SPRYD7: variants seen among roughly 807,000 people sequenced by gnomAD.
SPRYD7 encodes the protein SPRY domain-containing protein 7.
In SPRYD7, 14 loss-of-function variants were observed where a neutral mutation model predicts 23.8. That is an observed-to-expected ratio of 0.59 (90% CI 0.39 to 0.92). The LOEUF is 0.92. SPRYD7 is among the 40% of genes least tolerant of loss of function. The pLI, the probability that SPRYD7 is intolerant of heterozygous loss-of-function variation, is 0.00. For missense variants in SPRYD7, 194 were observed against 241.7 expected, an observed-to-expected ratio of 0.80 and a Z score of 1.31; for synonymous variants, 75 against 84.9, an observed-to-expected ratio of 0.88 and a Z score of 0.64.
intron 1 of SPRYD7, among the ~76,000 whole-genome samples, chr13:49,934,881 C>T (rs911307159): frequency 5.9e-5 from 9 of 152,136 alleles, no homozygotes; most frequent in African/African-American, 2.2e-4. Flanking sequence ...TATAACAATG[C>T]CTGCCACCTG....
At chr13:49,917,903 A>G (rs1722004839) in intron 4 of SPRYD7, among the ~76,000 whole-genome samples, 1 of 152,232 alleles carries the variant, frequency 6.6e-6, no homozygotes, top group African/African-American at 2.4e-5. Flanking sequence ...AAATGACTGA[A>G]AAGTAATTTT....
intron 4 of SPRYD7, among the ~76,000 whole-genome samples, chr13:49,916,787 T>C (rs1418806470): frequency 6.6e-6 from 1 of 152,012 alleles, no homozygotes; most frequent in Non-Finnish European, 1.5e-5. Flanking sequence ...ACATGAGATA[T>C]CGATGAAATA....
intron 3 of SPRYD7, among the ~76,000 whole-genome samples, chr13:49,927,222 C>T (rs141649135): frequency 3.3e-5 from 5 of 152,184 alleles, no homozygotes; most frequent in East Asian, 1.9e-4. Flanking sequence ...TGGCTAGGCG[C>T]GGTGGCTCAT....
intron 2 of SPRYD7, 102 bp from the exon 3 acceptor site, chr13:49,928,187 C>T (rs1314187070): frequency 5.9e-6 from 6 of 1,015,990 alleles, no homozygotes; most frequent in Non-Finnish European, 8.5e-6. Flanking sequence ...GCTGTATTAA[C>T]ACTAAATTGT....
At chr13:49,923,779 C>T (rs769205195) in intron 3 of SPRYD7, among the ~76,000 whole-genome samples, 15 of 152,088 alleles carry the variant, frequency 9.9e-5, no homozygotes, top group Non-Finnish European at 1.8e-4. Flanking sequence ...CAGGCATGTG[C>T]CACTGTGATG....
chr13:49,918,532 T>C (rs928543076), intron 4 of SPRYD7, among the ~76,000 whole-genome samples: 7 of 146,066 alleles, frequency 4.8e-5, no homozygotes, highest in African/African-American at 1.5e-4. Flanking sequence ...CTCACCCTCC[T>C]GAGTAGTTGC....
chr13:49,921,339 C>T, intron 4 of SPRYD7, 139 bp downstream of exon 4: 1 of 570,422 alleles, frequency 1.8e-6, no homozygotes, highest in Non-Finnish European at 3.2e-6. Context: ...CTCTGTGGAA[C>T]TGTGAGTCAA....
intron 3 of SPRYD7, among the ~76,000 whole-genome samples, chr13:49,925,506 A>T (rs957004772): frequency 6.6e-6 from 1 of 151,400 alleles, no homozygotes; most frequent in Non-Finnish European, 1.5e-5. Flanking sequence ...TACTTTTCAG[A>T]ATTATATGTA....
At chr13:49,929,794 CTT>C (rs543081981) in intron 2 of SPRYD7, among the ~76,000 whole-genome samples, 2 of 138,362 alleles carry the variant, frequency 1.4e-5, no homozygotes. Context: ...CGCCCAGCCA[CTT>C]TTTTTTTTTT....
chr13:49,927,330 AC>A (rs1210279286), intron 3 of SPRYD7, among the ~76,000 whole-genome samples: 1 of 152,108 alleles, frequency 6.6e-6, no homozygotes, highest in Non-Finnish European at 1.5e-5. Context: ...CCCCGTCTCT[AC>A]TAAAAATAAA....
chr13:49,936,088 G>C, intron 1 of SPRYD7, 42 bp downstream of exon 1: 1 of 1,442,262 alleles, frequency 6.9e-7, no homozygotes, highest in Non-Finnish European at 9.3e-7. Flanking sequence ...GCCGCGCCCG[G>C]CCCCCGTGAG....
intron 1 of SPRYD7, among the ~76,000 whole-genome samples, chr13:49,934,555 CAAAAAAAAAAA>C (rs889803067): frequency 2.3e-3 from 123 of 54,392 alleles, no homozygotes; most frequent in Admixed American, 5.6e-3. Context: ...AACTCCGTCT[CAAAAAAAAAAA>C]AAAAAAAAAA....
intron 1 of SPRYD7, among the ~76,000 whole-genome samples, chr13:49,934,183 C>T (rs143883379): frequency 1.3e-5 from 2 of 152,076 alleles, no homozygotes; most frequent in African/African-American, 4.8e-5. Flanking sequence ...CTCAACAACC[C>T]TTTTCTTTCA....
At chr13:49,920,860 C>T (rs972295355) in intron 4 of SPRYD7, among the ~76,000 whole-genome samples, 1 of 152,104 alleles carries the variant, frequency 6.6e-6, no homozygotes, top group Non-Finnish European at 1.5e-5. Flanking sequence ...ACTCGGGAGG[C>T]TGAGGCAGGA....
intron 3 of SPRYD7, among the ~76,000 whole-genome samples, chr13:49,926,393 A>G (rs928708847): frequency 6.6e-6 from 1 of 152,240 alleles, no homozygotes; most frequent in South Asian, 2.1e-4. Flanking sequence ...TGACAGCATC[A>G]ACTTGACTTC....
At chr13:49,920,376 T>C (rs1479961893) in intron 4 of SPRYD7, among the ~76,000 whole-genome samples, 1 of 152,244 alleles carries the variant, frequency 6.6e-6, no homozygotes, top group East Asian at 1.9e-4. Context: ...GGGTTATTAA[T>C]GTACAGTCTA....
At chr13:49,932,424 G>C (rs1490031160) in intron 1 of SPRYD7, among the ~76,000 whole-genome samples, 6 of 152,194 alleles carry the variant, frequency 3.9e-5, no homozygotes, top group Admixed American at 2.0e-4. Flanking sequence ...CTATAGATGA[G>C]AGTGAGAAAG....
chr13:49,926,925 A>G (rs555283899), intron 3 of SPRYD7, among the ~76,000 whole-genome samples: 49 of 152,330 alleles, frequency 3.2e-4, no homozygotes, highest in African/African-American at 1.1e-3. Context: ...GGAAGGAAGT[A>G]TCTGGAAAAG....
Position 49,915,140 on chromosome 13 carries a change from C to T in SPRYD7, c.514G>A (p.Asp172Asn). 6.4e-7 allele frequency: 1 copy of T among 1,560,946 alleles called. No individual in the cohort carries two copies. The highest frequency in any genetic ancestry group is 8.7e-7 in the Non-Finnish European group (1 of 1,149,964). Residue 172 changes from aspartate to asparagine, a missense_variant, in exon 5 of 5, where the codon GAT becomes AAT. Coordinates refer to ENST00000361840, the MANE Select transcript of SPRYD7 (RefSeq NM_020456.4). ...TGATAAAACTCACTGAACTGGCAATCCAAAATTGCACTGTCATCAACTAAA... is the reference window on the plus strand; with the variant it reads ...TGATAAAACTCACTGAACTGGCAATTCAAAATTGCACTGTCATCAACTAAA... ...VVYVDDSAIL[D>N]CQFSEFYHTP... is the part of the protein sequence containing the mutation.
Sources: allele counts gnomAD v4.1 joint callset (sites outside exome capture counted in the v4.1 genomes callset), GRCh38; gene constraint gnomAD v4.1.1; transcripts MANE v1.5; gene names NCBI Gene and HGNC (gene_info 2026-07-23, HGNC 2026-07-21).